The following IPO8 variants were observed in gnomAD, a reference collection of about 807,000 sequenced individuals.
IPO8 encodes the protein importin 8, also known as importin-8.
Under a neutral mutation model 141.2 loss-of-function variants are expected in IPO8, and 65 were observed. The observed-to-expected ratio is 0.46, with a 90% CI of 0.38 to 0.57. IPO8 has a LOEUF of 0.57. Among genes scored for constraint, IPO8 ranks in the 20% least tolerant of loss-of-function variants. The pLI is 0.00. For missense variants in IPO8, 980 were observed against 1,246.8 expected (o/e 0.79, Z 3.22); for synonymous variants, 411 against 420.3 (o/e 0.98, Z 0.27).
chr12:30,695,099 G>A lies in IPO8; in HGVS notation c.84+465C>T. On this transcript the variant is annotated intron_variant, in intron 1 of 24. Transcript: ENST00000256079. This position sits in a 1 kb window ranked among gnomAD's most constrained non-coding sequence, Gnocchi z 4.2. ...GGCCAATCGGTGTCAAAACAGTCCT[G>A]CCAACCCGACAGGAGGAGGCGGTGG... 2.2e-6 allele frequency: 1 copy of A among 446,828 alleles called. No homozygotes were observed. Among genetic ancestry groups the A allele is most frequent in the Non-Finnish European group, 4.5e-6 (1 of 223,550 alleles). The allele number at this position is 446,828 out of a possible 1,614,324, so 27.7% of individuals were successfully genotyped here. A position where few individuals can be genotyped will look rare whatever the true frequency, so the allele number is the denominator to read the frequency against.
chr12:30,638,862 G>A (rs554411868), intron 21 of IPO8, among the ~76,000 whole-genome samples: 3 of 152,192 alleles, frequency 2.0e-5, no homozygotes, highest in Non-Finnish European at 2.9e-5. Flanking sequence ...TAGTAGAGAT[G>A]GGGTTTCACC....
chr12:30,665,119 A>T (rs2052944022), intron 13 of IPO8, 101 bp downstream of exon 13: 3 of 677,272 alleles, frequency 4.4e-6, no homozygotes, highest in Non-Finnish European at 2.6e-6. Flanking sequence ...ACTCTATTTC[A>T]TCTCAATATG....
chr12:30,694,878 G>A (rs2053322343), intron 1 of IPO8: 6 of 408,292 alleles, frequency 1.5e-5, no homozygotes, highest in South Asian at 1.0e-4. Flanking sequence ...GGGTAACGCT[G>A]GAAAGACGTC....
In IPO8 at chr12:30,690,585, T is replaced by C. The variant is rs774963375; in HGVS notation, c.85-8A>G. The C allele has an allele frequency of 1.3e-6, 2 of 1,495,570 alleles. No homozygotes were observed. Among genetic ancestry groups the C allele is most frequent in the Admixed American group, 1.9e-5 (1 of 51,810 alleles). 92.6% of individuals were successfully genotyped at this position (1,495,570 alleles called of 1,614,324 possible). ...ATTGATAATCTTGTAGGACTGAAATTACAAAGAAATGTTTTATAAAATAGG... is the reference window on the plus strand; with the variant it reads ...ATTGATAATCTTGTAGGACTGAAATCACAAAGAAATGTTTTATAAAATAGG... On this transcript the variant is annotated splice_polypyrimidine_tract_variant and splice_region_variant and intron_variant, in intron 1 of 24. Transcript: ENST00000256079.
chr12:30,679,844 T>G lies in IPO8; in HGVS notation c.639+638A>C, dbSNP rs576913172. Among the ~76,000 whole-genome samples the G allele has an allele frequency of 7.9e-5, 12 of 152,318 alleles. No individual in the cohort carries two copies. In the South Asian group the frequency reaches 2.5e-3, roughly 32 times the overall value. ...AAACAGTTAAGACTGAAAACAATTATTCTTCCTCCAATCAGACCTAAATAA... is the reference window on the plus strand; with the variant it reads ...AAACAGTTAAGACTGAAAACAATTAGTCTTCCTCCAATCAGACCTAAATAA... On this transcript the variant is annotated intron_variant, in intron 5 of 24. Transcript: ENST00000256079.
At chr12:30,666,646 C>A (rs545197084) in intron 10 of IPO8, among the ~76,000 whole-genome samples, 1 of 152,112 alleles carries the variant, frequency 6.6e-6, no homozygotes, top group African/African-American at 2.4e-5. Context: ...GAGCTTATGT[C>A]GTGAAACAAA....
chr12:30,645,532 G>C (rs1056012375), intron 20 of IPO8, among the ~76,000 whole-genome samples: 2 of 152,044 alleles, frequency 1.3e-5, no homozygotes, highest in East Asian at 3.9e-4. Flanking sequence ...ATAAGGATTA[G>C]AGTGGAAACT....
chr12:30,637,841 T>C (rs2052523686), intron 21 of IPO8, among the ~76,000 whole-genome samples: 1 of 152,192 alleles, frequency 6.6e-6, no homozygotes, highest in Non-Finnish European at 1.5e-5. Context: ...AACTAAAAGA[T>C]TACATTGGCA....
intron 21 of IPO8, 122 bp from the exon 22 acceptor site, chr12:30,637,309 A>T: frequency 1.4e-6 from 1 of 728,858 alleles, no homozygotes; most frequent in South Asian, 1.8e-5. Flanking sequence ...GGTATCATAC[A>T]GAGACATTCC....
intron 10 of IPO8, among the ~76,000 whole-genome samples, chr12:30,668,922 C>T (rs1465097266): frequency 2.0e-5 from 3 of 152,144 alleles, no homozygotes; most frequent in African/African-American, 7.2e-5. Context: ...AGATCAGCAT[C>T]GCAACAGCAT....
chr12:30,638,195 A>C (rs2052528365), intron 21 of IPO8, among the ~76,000 whole-genome samples: 1 of 152,222 alleles, frequency 6.6e-6, no homozygotes. Context: ...CAGTGCTAAT[A>C]AACACATAAG....
intron 17 of IPO8, among the ~76,000 whole-genome samples, chr12:30,654,672 C>T (rs1352090523): frequency 6.6e-6 from 1 of 151,710 alleles, no homozygotes; most frequent in Non-Finnish European, 1.5e-5. Flanking sequence ...ATCATATCTA[C>T]GAGAATGTCT....
At chr12:30,634,450 C>A (rs2052475409) in intron 22 of IPO8, among the ~76,000 whole-genome samples, 164 bp from the exon 23 acceptor site, 1 of 151,724 alleles carries the variant, frequency 6.6e-6, no homozygotes, top group Non-Finnish European at 1.5e-5. Context: ...AGAGGAGAGT[C>A]AAAAAATAAA....
At position 30,695,173 on chromosome 12, in the gene IPO8, G is replaced by A. The variant is rs1431979716; in HGVS notation, c.84+391C>T. 2.6e-6 allele frequency: 1 copy of A among 383,892 alleles called. No homozygotes were observed. 23.8% of individuals were successfully genotyped at this position (383,892 alleles called of 1,614,324 possible). A position where few individuals can be genotyped will look rare whatever the true frequency, so the allele number is the denominator to read the frequency against. ...TAAAAAGGGCTGGGTTTGGAAAAAA[G>A]CTGAACTCAGATTTGAACTGTAAGT... On this transcript the variant is annotated intron_variant, in intron 1 of 24. Coordinates refer to ENST00000256079, the MANE Select transcript of IPO8 (RefSeq NM_006390.4). The surrounding 1 kb of genome is among the most constrained non-coding windows in gnomAD (Gnocchi z 4.2).
At position 30,637,129 on chromosome 12, in the gene IPO8, G is replaced by T. The variant is rs148376849; in HGVS notation, c.2548C>A (p.Arg850=). ...GLSILLELQN[R]PPAVDAVVGQ... ...ACCACAGCATCTACTGCAGGAGGTCGATTTTGCAATTCCAAAAGGATACTC... is the reference window on the plus strand; with the variant it reads ...ACCACAGCATCTACTGCAGGAGGTCTATTTTGCAATTCCAAAAGGATACTC... Residue 850 remains arginine, a synonymous_variant, in exon 22 of 25, where the codon CGA becomes AGA. Transcript: ENST00000256079. 14 of 1,613,772 alleles carry T rather than the reference G, an allele frequency of 8.7e-6. No homozygotes were observed. In the South Asian group the frequency reaches 1.4e-4, roughly 16 times the overall value.
In IPO8 at chr12:30,687,171, G is replaced by C. The variant is rs111611993; in HGVS notation, c.167-2714C>G. The stretch of plus-strand genomic sequence containing the variant: ...TCATAAAGGAAATATTAAATTTACT[G>C]TATCTGTCTGGGTGTCTTAGAGCAT... On this transcript the variant is annotated intron_variant, in intron 2 of 24. Transcript: ENST00000256079. 2.7e-3 allele frequency among the ~76,000 whole-genome samples: 407 copies of C among 152,256 alleles called. 3 individuals are homozygous for C. Among genetic ancestry groups the C allele is most frequent in the African/African-American group, 9.6e-3 (397 of 41,550 alleles).
At chr12:30,677,250 CA>C (rs1379400875) in intron 5 of IPO8, 2 of 436,402 alleles carry the variant, frequency 4.6e-6, no homozygotes, top group African/African-American at 4.0e-5. Context: ...ACAATGGTCC[CA>C]TAAGATTAGA....
intron 2 of IPO8, among the ~76,000 whole-genome samples, chr12:30,690,201 G>A (rs1225851433): frequency 3.9e-5 from 6 of 152,104 alleles, no homozygotes; most frequent in Non-Finnish European, 7.4e-5. Flanking sequence ...ATCATAAAAC[G>A]TTAGAGAGAT....
At chr12:30,693,008 TTACA>T (rs766088867) in intron 1 of IPO8, among the ~76,000 whole-genome samples, 1 of 152,226 alleles carries the variant, frequency 6.6e-6, no homozygotes, top group Non-Finnish European at 1.5e-5. Context: ...TCTGTGCTAT[TTACA>T]TAAACAAATT....
Sources: gnomAD v4.1 joint callset for allele counts (sites outside exome capture counted in the v4.1 genomes callset) on GRCh38, gnomAD v4.1.1 for gene constraint, Gnocchi (gnomAD v3.1) non-coding constraint, MANE v1.5 for transcripts, NCBI Gene and HGNC (gene_info 2026-07-23, HGNC 2026-07-21) for gene names.